Variants in SDK1 observed in about 807,000 individuals in gnomAD.
SDK1 encodes sidekick cell adhesion molecule 1, also known as protein sidekick-1.
SDK1 carries 157 observed loss-of-function variants against 245.5 expected under a neutral mutation model. That is an observed-to-expected ratio of 0.64 (90% CI 0.56 to 0.73). The LOEUF (loss-of-function observed/expected upper bound fraction) is 0.73, where lower values mean the gene tolerates loss of function less well. Ranked by LOEUF, SDK1 falls within the 30% of genes least tolerant of loss-of-function variation. The pLI, the probability that SDK1 is intolerant of heterozygous loss-of-function variation, is 0.00. For synonymous variants in SDK1, 1,647 were observed against 1,278.5 expected, an observed-to-expected ratio of 1.29 and a Z score of -6.15; for missense variants, 3,583 against 3,002.3, an observed-to-expected ratio of 1.19 and a Z score of -4.52.
rs1782280302 is a variant in SDK1 at position 3,968,980 on chromosome 7, A to G, written c.1547-277A>G. 2.0e-5 allele frequency among the ~76,000 whole-genome samples: 3 copies of G among 152,302 alleles called. No homozygotes were observed. The South Asian group carries it at 6.2e-4, about 32-fold the overall frequency. ...CAGGCGCATCTCACAAGGCTGCAAG[A>G]GAGAGAAAGAGCAAAGGGGGAAGTG... is the stretch of plus-strand genomic sequence containing the variant. On this transcript the variant is annotated intron_variant, in intron 10 of 44. Transcript: ENST00000404826.
At chr7:3,907,251 C>T (rs765171345) in intron 5 of SDK1, among the ~76,000 whole-genome samples, 1 of 152,132 alleles carries the variant, frequency 6.6e-6, no homozygotes, top group Non-Finnish European at 1.5e-5. Context: ...TGTTTTATCA[C>T]CCAAACAGAA....
chr7:3,972,498 G>C (rs1782566064), intron 12 of SDK1, among the ~76,000 whole-genome samples: 1 of 152,206 alleles, frequency 6.6e-6, no homozygotes, highest in Non-Finnish European at 1.5e-5. Context: ...CATCAGTGGG[G>C]AGCTGTTCCC....
intron 5 of SDK1, among the ~76,000 whole-genome samples, chr7:3,907,683 C>T (rs189877023): frequency 6.6e-6 from 1 of 152,196 alleles, no homozygotes; most frequent in Non-Finnish European, 1.5e-5. Context: ...AAAACAGACT[C>T]TTACCAAAAT....
rs115253835 is a variant in SDK1, at chr7:3,506,122, C to G, written c.299-112958C>G. 7.5e-3 allele frequency among the ~76,000 whole-genome samples: 1,142 copies of G among 152,170 alleles called. 22 individuals carry two copies. The highest frequency in any genetic ancestry group is 0.026 in the African/African-American group (1,098 of 41,526). On this transcript the variant is annotated intron_variant, in intron 1 of 44. Transcript: ENST00000404826. ...AAGTTTTCATCTGACAACACTTTCT[C>G]TTTGCCAAAAGAACTTCTTGTAGCT...
At chr7:3,492,247 T>C (rs1424466252) in intron 1 of SDK1, among the ~76,000 whole-genome samples, 1 of 152,208 alleles carries the variant, frequency 6.6e-6, no homozygotes, top group Non-Finnish European at 1.5e-5. Context: ...GGGAGATTTG[T>C]GAATTTTAGA....
At chr7:3,696,864 C>T (rs997114147) in intron 4 of SDK1, among the ~76,000 whole-genome samples, 1 of 151,374 alleles carries the variant, frequency 6.6e-6, no homozygotes, top group African/African-American at 2.4e-5. Context: ...TGTAGGGTGT[C>T]TAACAGTAGA....
chr7:3,655,758 G>A (rs1262879369), intron 4 of SDK1, among the ~76,000 whole-genome samples: 3 of 151,794 alleles, frequency 2.0e-5, no homozygotes, highest in African/African-American at 4.8e-5. Context: ...TTTGTTCTGG[G>A]GAGATGGTGT....
At chr7:3,987,110 G>A in intron 13 of SDK1, 76 bp from the exon 14 acceptor site, 1 of 1,466,924 alleles carries the variant, frequency 6.8e-7, no homozygotes, top group Non-Finnish European at 9.5e-7. Context: ...AGGACGGTCT[G>A]CTGTAAGAGC....
chr7:3,927,920 A>AT (rs1485900170), intron 5 of SDK1, among the ~76,000 whole-genome samples: 1 of 152,176 alleles, frequency 6.6e-6, no homozygotes, highest in African/African-American at 2.4e-5. Flanking sequence ...AAATGAGCAG[A>AT]TTCTTTGTTT....
chr7:3,974,089 C>T (rs1782694284), intron 12 of SDK1, among the ~76,000 whole-genome samples: 1 of 147,208 alleles, frequency 6.8e-6, no homozygotes, highest in Admixed American at 6.9e-5. Flanking sequence ...GAGGCTGAGG[C>T]ACAAGAATTG....
chr7:4,208,642 T>C (rs1287173004), intron 37 of SDK1, among the ~76,000 whole-genome samples: 2 of 152,042 alleles, frequency 1.3e-5, no homozygotes, highest in Admixed American at 1.3e-4. Flanking sequence ...GAACTTCCCA[T>C]CAGGGGCGCC....
intron 1 of SDK1, among the ~76,000 whole-genome samples, chr7:3,424,591 C>G (rs1779624314): frequency 6.6e-6 from 1 of 152,080 alleles, no homozygotes; most frequent in Non-Finnish European, 1.5e-5. Flanking sequence ...ATTTAGTTTT[C>G]AAAGAATTTC....
intron 29 of SDK1, among the ~76,000 whole-genome samples, chr7:4,147,973 C>T (rs1473646323): frequency 6.6e-6 from 1 of 152,062 alleles, no homozygotes; most frequent in Non-Finnish European, 1.5e-5. Flanking sequence ...ACAGCCCCGC[C>T]CCACAGTCCC....
At chr7:3,701,499 G>A (rs73302257) in intron 4 of SDK1, among the ~76,000 whole-genome samples, 48 of 152,210 alleles carry the variant, frequency 3.2e-4, no homozygotes, top group African/African-American at 9.4e-4. Context: ...ACTTGGGACC[G>A]TGGGGCAGGT....
chr7:4,002,189 C>G (rs1785123276), intron 14 of SDK1, among the ~76,000 whole-genome samples: 1 of 152,220 alleles, frequency 6.6e-6, no homozygotes, highest in South Asian at 2.1e-4. Flanking sequence ...TGAGCTCTGA[C>G]TAGACCAAGA....
intron 44 of SDK1, among the ~76,000 whole-genome samples, chr7:4,254,746 G>A (rs1048107030): frequency 3.9e-5 from 6 of 151,954 alleles, no homozygotes; most frequent in African/African-American, 1.5e-4. Context: ...CCTCATTGAG[G>A]GTTATTGTTG....
intron 4 of SDK1, among the ~76,000 whole-genome samples, chr7:3,774,631 G>A (rs1353423834): frequency 6.6e-6 from 1 of 152,196 alleles, no homozygotes; most frequent in Admixed American, 6.5e-5. Context: ...GATTCTGCCA[G>A]TGCAATTGTT....
chr7:3,353,820 C>T (rs1024309526), intron 1 of SDK1, among the ~76,000 whole-genome samples: 10 of 152,068 alleles, frequency 6.6e-5, no homozygotes, highest in African/African-American at 2.2e-4. Flanking sequence ...AAAAAGCAGC[C>T]TCCCATGTTT....
intron 1 of SDK1, among the ~76,000 whole-genome samples, chr7:3,470,711 G>A (rs976729909): frequency 1.3e-5 from 2 of 152,164 alleles, no homozygotes; most frequent in African/African-American, 4.8e-5. Flanking sequence ...AAAATAGGGT[G>A]CCAGCAGGAG....
Sources: gnomAD v4.1 joint callset for allele counts (sites outside exome capture counted in the v4.1 genomes callset) on GRCh38, gnomAD v4.1.1 for gene constraint, MANE v1.5 for transcripts, NCBI Gene and HGNC (gene_info 2026-07-23, HGNC 2026-07-21) for gene names.